Variants in UBD observed in about 807,000 individuals in gnomAD.
The protein encoded by UBD is ubiquitin D.
UBD carries 1 observed loss-of-function variant against 2.3 expected under a neutral mutation model. That is an observed-to-expected ratio of 0.43 (90% confidence interval 0.15 to 2.06). UBD has a LOEUF of 2.06. Among genes scored for constraint, UBD ranks in the 30% most tolerant of loss-of-function variants. The pLI is 0.29. For synonymous variants in UBD, 75 were observed against 76.5 expected, an observed-to-expected ratio of 0.98 and a Z score of 0.10; for missense variants, 175 against 199.3, an observed-to-expected ratio of 0.88 and a Z score of 0.73.
chr6:29,557,111 CA>C (rs1325518045), intron 1 of UBD: 3 of 152,138 alleles, frequency 2.0e-5, no homozygotes, highest in Non-Finnish European at 4.4e-5. Flanking sequence ...AATAAGATAG[CA>C]AATTATAAAC....
intron 1 of UBD, chr6:29,557,791 T>C (rs560545531): frequency 6.6e-6 from 1 of 152,276 alleles, no homozygotes; most frequent in Non-Finnish European, 1.5e-5. Context: ...TGTGATTTTT[T>C]TTAGTTGACA....
chr6:29,556,942 G>A (rs1168334573), intron 1 of UBD: 1 of 152,624 alleles, frequency 6.6e-6, no homozygotes, highest in African/African-American at 2.4e-5. Flanking sequence ...GGGCAACAGA[G>A]TGAGACTCTG....
intron 1 of UBD, 91 bp from the exon 2 acceptor site, chr6:29,556,441 A>G (rs1170236259): frequency 5.6e-6 from 5 of 896,468 alleles, no homozygotes; most frequent in Non-Finnish European, 8.5e-6. Context: ...CTCTTCCACT[A>G]TCTATCTGGT....
At chr6:29,557,405 C>T (rs1187231570) in intron 1 of UBD, 1 of 152,184 alleles carries the variant, frequency 6.6e-6, no homozygotes, top group East Asian at 1.9e-4. Context: ...CTGGTTCTGG[C>T]TAGTTTACAG....
In UBD at chr6:29,555,820, A is replaced by T. The variant is rs1762479422; in HGVS notation, c.*60T>A. On this transcript the variant is annotated 3_prime_UTR_variant, in exon 2 of 2. Transcript: ENST00000377050. ...AAATCATCAGAAGATGTGTTCGTTG[A>T]GTAAGAGATTAAAAGAAATAAGCTT... 5 of 1,342,908 alleles carry T rather than the reference A, an allele frequency of 3.7e-6. No homozygotes were observed. Among genetic ancestry groups the T allele is most frequent in the South Asian group, 1.3e-5 (1 of 78,118 alleles). 83.2% of individuals were successfully genotyped at this position (1,342,908 alleles called of 1,614,324 possible). A position where few individuals can be genotyped will look rare whatever the true frequency, so the allele number is the denominator to read the frequency against.
intron 1 of UBD, among the ~76,000 whole-genome samples, 176 bp downstream of exon 1, chr6:29,559,499 C>T (rs1762695782): frequency 6.6e-6 from 1 of 152,198 alleles, no homozygotes; most frequent in Admixed American, 6.5e-5. Context: ...ACCAGCTTCT[C>T]TTCAGACAAT....
At position 29,555,578 on chromosome 6, in the gene UBD, T is replaced by G; in HGVS notation, c.*302A>C. 1 of 367,052 alleles carries G rather than the reference T, an allele frequency of 2.7e-6. No homozygotes were observed. Among genetic ancestry groups the G allele is most frequent in the South Asian group, 6.3e-5 (1 of 15,978 alleles). 22.7% of individuals were successfully genotyped at this position (367,052 alleles called of 1,614,324 possible). ...AAGGAGATAGGAGTTTTTGCATAAA[T>G]AACAAGGTATCAAGACAGAATTAAA... On this transcript the variant is annotated 3_prime_UTR_variant, in exon 2 of 2. Transcript: ENST00000377050.
intron 1 of UBD, among the ~76,000 whole-genome samples, chr6:29,558,742 C>T (rs59068970): frequency 0.13 from 19,948 of 152,088 alleles, 2,924 homozygotes; most frequent in African/African-American, 0.37. Context: ...GCTAAGTGCC[C>T]AGGTTCTTCC....
In UBD at chr6:29,555,908, AAGAGTAAGT is replaced by A; in HGVS notation, c.461_469del (p.Asn154_Phe157delinsIle). ...CCCTCCAATACAATAACATGCCAGGAAGAGTAAGTTGCCCTTTCTGATGCCGTAATCTGC... is the reference window on the plus strand; with the variant it reads ...CCCTCCAATACAATAACATGCCAGGATGCCCTTTCTGATGCCGTAATCTGC... On this transcript the variant is annotated inframe_deletion, in exon 2 of 2. Coordinates refer to ENST00000377050, the MANE Select transcript of UBD (RefSeq NM_006398.4). 6.2e-7 allele frequency: 1 copy of A among 1,613,072 alleles called. No homozygotes were observed. The highest frequency in any genetic ancestry group is 2.2e-5 in the East Asian group (1 of 44,886).
Position 29,558,027 on chromosome 6 carries a change from C to T in UBD, c.27+1648G>A, listed in dbSNP as rs576434327. On this transcript the variant is annotated intron_variant, in intron 1 of 1. Coordinates refer to ENST00000377050, the MANE Select transcript of UBD (RefSeq NM_006398.4). ...AAAATATGACAGCCTCATGAAGATA[C>T]TCATAGCCATAGGATACCCTCTGTC... is the stretch of plus-strand genomic sequence containing the variant. 3.3e-5 allele frequency among the ~76,000 whole-genome samples: 5 copies of T among 152,306 alleles called. No homozygotes were observed. The East Asian group carries it at 7.7e-4, about 23-fold the overall frequency.
chr6:29,559,725 C>T lies in UBD; in HGVS notation c.-24G>A. The T allele has an allele frequency of 6.2e-7, 1 of 1,612,938 alleles. No individual in the cohort carries two copies. Among genetic ancestry groups the T allele is most frequent in the Non-Finnish European group, 8.5e-7 (1 of 1,179,940 alleles). Reference sequence around the variant, plus strand: ...ATCTCTGCAGACAAGGGGCCAGAAACCAGAGACAGAAAAAGGACTTTGCAT... The same window carrying T: ...ATCTCTGCAGACAAGGGGCCAGAAATCAGAGACAGAAAAAGGACTTTGCAT... On this transcript the variant is annotated 5_prime_UTR_variant, in exon 1 of 2. Transcript: ENST00000377050.
intron 1 of UBD, among the ~76,000 whole-genome samples, chr6:29,557,906 C>T (rs183342735): frequency 3.5e-4 from 53 of 152,290 alleles, no homozygotes; most frequent in African/African-American, 1.0e-3. Context: ...ACCTGCCTCT[C>T]CTATCCAGAT....
intron 1 of UBD, chr6:29,557,281 G>A (rs1762570788): frequency 6.6e-6 from 1 of 152,150 alleles, no homozygotes; most frequent in African/African-American, 2.4e-5. Context: ...CTCACCCTGT[G>A]TTGGGGAACA....
intron 1 of UBD, among the ~76,000 whole-genome samples, chr6:29,558,545 T>A (rs142156598): frequency 1.1e-3 from 173 of 152,338 alleles, no homozygotes; most frequent in Non-Finnish European, 2.0e-3. Flanking sequence ...TGCACTCTTC[T>A]GGTCTATGTT....
At position 29,556,046 on chromosome 6, in the gene UBD, G is replaced by A; in HGVS notation, c.332C>T (p.Ser111Leu). The A allele has an allele frequency of 3.1e-6, 5 of 1,613,054 alleles. No individual in the cohort carries two copies. Among genetic ancestry groups the A allele is most frequent in the Non-Finnish European group, 4.2e-6 (5 of 1,180,022 alleles). Reference protein sequence around the residue: ...RHLLQVRRSSSVAQVKAMIET... With the variant: ...RHLLQVRRSSLVAQVKAMIET... ...GATCATTGCTTTCACTTGTGCCACTGAGCTGGACCTTCGCACCTGGAGGAG... is the reference window on the plus strand; with the variant it reads ...GATCATTGCTTTCACTTGTGCCACTAAGCTGGACCTTCGCACCTGGAGGAG... The change falls in exon 2 of 2, where the codon TCA becomes TTA. Residue 111 changes from serine (S) to leucine (L), a missense_variant. Physicochemically the swap from Ser to Leu is moderately radical, Grantham distance 145 (BLOSUM62 -2). Transcript: ENST00000377050.
chr6:29,555,842 G>A lies in UBD; in HGVS notation c.*38C>T, dbSNP rs1281471822. 6 of 1,526,380 alleles carry A rather than the reference G, an allele frequency of 3.9e-6. No individual in the cohort carries two copies. The highest frequency in any genetic ancestry group is 4.5e-6 in the Non-Finnish European group (5 of 1,110,152). The allele number at this position is 1,526,380 out of a possible 1,614,324, so 94.6% of individuals were successfully genotyped here. A position where few individuals can be genotyped will look rare whatever the true frequency, so the allele number is the denominator to read the frequency against. ...TTGAGTAAGAGATTAAAAGAAATAA[G>A]CTTTTTGACCCCTGCCAACACCCCA... is the stretch of plus-strand genomic sequence containing the variant. On this transcript the variant is annotated 3_prime_UTR_variant, in exon 2 of 2. Transcript: ENST00000377050.
At position 29,555,695 on chromosome 6, in the gene UBD, T is replaced by G. The variant is rs7739536; in HGVS notation, c.*185A>C. 2.3e-3 allele frequency: 1,324 copies of G among 580,014 alleles called. 12 individuals carry two copies. Among genetic ancestry groups the G allele is most frequent in the African/African-American group, 0.017 (913 of 53,844 alleles). 35.9% of individuals were successfully genotyped at this position (580,014 alleles called of 1,614,324 possible). ...AGTAAAAATCATGTCACTTAATTAATTGTGTTAGAATCAAAGAAACATAGA... is the reference window on the plus strand; with the variant it reads ...AGTAAAAATCATGTCACTTAATTAAGTGTGTTAGAATCAAAGAAACATAGA... On this transcript the variant is annotated 3_prime_UTR_variant, in exon 2 of 2. Coordinates refer to ENST00000377050, the MANE Select transcript of UBD (RefSeq NM_006398.4).
At chr6:29,558,299 C>A (rs892235198) in intron 1 of UBD, among the ~76,000 whole-genome samples, 2 of 152,154 alleles carry the variant, frequency 1.3e-5, no homozygotes, top group African/African-American at 4.8e-5. Context: ...CCTTTAAACA[C>A]GGGGCTTGCA....
chr6:29,558,164 T>A (rs937259929), intron 1 of UBD, among the ~76,000 whole-genome samples: 1 of 152,222 alleles, frequency 6.6e-6, no homozygotes, highest in Non-Finnish European at 1.5e-5. Context: ...TGACACTATG[T>A]TCAGTGTTTC....
Sources: allele counts gnomAD v4.1 joint callset (sites outside exome capture counted in the v4.1 genomes callset), GRCh38; gene constraint gnomAD v4.1.1; transcripts MANE v1.5; gene names NCBI Gene and HGNC (gene_info 2026-07-23, HGNC 2026-07-21).